BABAM1: variants seen among roughly 807,000 people sequenced by gnomAD.
BABAM1 encodes the protein BRISC and BRCA1 A complex member 1, also known as BRISC and BRCA1-A complex member 1.
In BABAM1, 14 loss-of-function variants were observed where a neutral mutation model predicts 34.4. The ratio of observed to expected loss-of-function variants is 0.41; its 90% confidence interval spans 0.27 to 0.64. The LOEUF (loss-of-function observed/expected upper bound fraction) is 0.64, where lower values mean the gene tolerates loss of function less well. Ranked by LOEUF, BABAM1 falls within the 30% of genes least tolerant of loss-of-function variation. BABAM1 has a pLI of 0.34. For synonymous variants in BABAM1, 169 were observed against 165.8 expected, an observed-to-expected ratio of 1.02 and a Z score of -0.15; for missense variants, 393 against 434.0, an observed-to-expected ratio of 0.91 and a Z score of 0.84.
chr19:17,278,791 G>A lies in BABAM1; in HGVS notation c.787-54G>A. The A allele has an allele frequency of 6.5e-6, 10 of 1,530,060 alleles. No individual in the cohort carries two copies. The South Asian group carries it at 9.5e-5, about 14-fold the overall frequency. 94.8% of individuals were successfully genotyped at this position (1,530,060 alleles called of 1,614,324 possible). A position where few individuals can be genotyped will look rare whatever the true frequency, so the allele number is the denominator to read the frequency against. ...AGCCCTCCAGGGATATGAAGGGCCTGTTGGGGTAACCTCTGCCTGAACAGC... is the reference window on the plus strand; with the variant it reads ...AGCCCTCCAGGGATATGAAGGGCCTATTGGGGTAACCTCTGCCTGAACAGC... On this transcript the variant is annotated intron_variant, in intron 8 of 8. Transcript: ENST00000598188.
intron 5 of BABAM1, 109 bp downstream of exon 5, chr19:17,274,294 C>G: frequency 7.2e-7 from 1 of 1,382,154 alleles, no homozygotes; most frequent in Non-Finnish European, 1.0e-6. Context: ...GTTCAGATCT[C>G]AGATCTGCCA....
chr19:17,272,905 C>G (rs1395795720), intron 3 of BABAM1, among the ~76,000 whole-genome samples: 2 of 152,094 alleles, frequency 1.3e-5, no homozygotes, highest in Non-Finnish European at 2.9e-5. Context: ...GTAATCCCAG[C>G]TACTCGGGAG....
chr19:17,273,102 G>A (rs1280699996), intron 3 of BABAM1, among the ~76,000 whole-genome samples: 1 of 152,236 alleles, frequency 6.6e-6, no homozygotes, highest in Non-Finnish European at 1.5e-5. Context: ...TCCATTCATA[G>A]CAATGAGTTG....
chr19:17,268,882 C>T lies in BABAM1; in HGVS notation c.76C>T (p.Arg26Cys), dbSNP rs2073802959. The T allele has an allele frequency of 8.8e-6, 14 of 1,596,288 alleles. No individual in the cohort carries two copies. The highest frequency in any genetic ancestry group is 1.7e-4 in the Middle Eastern group (1 of 5,736). The stretch of plus-strand genomic sequence containing the variant: ...GGAGCACTCGGCAGAGCCTCGGCCC[C>T]GCACTCGCTCCAATCCTGAAGGGGC... ...EEEHSAEPRPRTRSNPEGAED... is the reference protein window; with the variant it reads ...EEEHSAEPRPCTRSNPEGAED... The change falls in exon 2 of 9, where the codon CGC becomes TGC. Residue 26 changes from arginine (R) to cysteine (C), a missense_variant. Transcript: ENST00000598188.
chr19:17,278,555 C>T (rs1433104854), intron 8 of BABAM1, among the ~76,000 whole-genome samples: 1 of 151,514 alleles, frequency 6.6e-6, no homozygotes, highest in African/African-American at 2.4e-5. Flanking sequence ...GTGATCTGCC[C>T]GCCTCAGCCT....
At chr19:17,278,148 T>C (rs1375035244) in intron 8 of BABAM1, among the ~76,000 whole-genome samples, 1 of 151,796 alleles carries the variant, frequency 6.6e-6, no homozygotes, top group Non-Finnish European at 1.5e-5. Flanking sequence ...CACTCCAGCC[T>C]GGGAACAACA....
chr19:17,274,219 G>A, intron 5 of BABAM1, 34 bp downstream of exon 5: 4 of 1,604,268 alleles, frequency 2.5e-6, no homozygotes, highest in East Asian at 2.2e-5. Flanking sequence ...CCCATGAAGG[G>A]GGCTGTCTCC....
chr19:17,272,664 C>T (rs1300014452), intron 3 of BABAM1, among the ~76,000 whole-genome samples: 2 of 151,764 alleles, frequency 1.3e-5, no homozygotes, highest in Non-Finnish European at 2.9e-5. Flanking sequence ...CCTCGGCCTC[C>T]CAAAGTGCTG....
At chr19:17,268,288 G>T (rs1277478023) in intron 1 of BABAM1, among the ~76,000 whole-genome samples, 2 of 151,944 alleles carry the variant, frequency 1.3e-5, no homozygotes, top group Non-Finnish European at 2.9e-5. Flanking sequence ...AGGGGGGACT[G>T]TTATCTTATG....
chr19:17,272,657 C>T lies in BABAM1; in HGVS notation c.344+1002C>T, dbSNP rs376748318. On this transcript the variant is annotated intron_variant, in intron 3 of 8. Coordinates refer to ENST00000598188, the MANE Select transcript of BABAM1 (RefSeq NM_014173.4). ...TCCTGACCTCATGATCCGCCTGCCT[C>T]GGCCTCCCAAAGTGCTGGGATTACA... 2.6e-3 allele frequency among the ~76,000 whole-genome samples: 393 copies of T among 151,214 alleles called. 2 individuals are homozygous for T. The highest frequency in any genetic ancestry group is 8.9e-3 in the African/African-American group (366 of 41,318).
intron 2 of BABAM1, 46 bp from the exon 3 acceptor site, chr19:17,271,551 A>G (rs764618627): frequency 2.5e-6 from 4 of 1,602,026 alleles, no homozygotes; most frequent in South Asian, 1.1e-5. Context: ...TGTGGGGGCC[A>G]ACGTTAAGGT....
chr19:17,274,462 C>T (rs990743404), intron 5 of BABAM1: 13 of 422,232 alleles, frequency 3.1e-5, no homozygotes, highest in Middle Eastern at 6.9e-4. Flanking sequence ...CAGCGACTTG[C>T]GAGGCTGAGG....
rs187928820 is a variant in BABAM1 at position 17,275,300 on chromosome 19, T to A, written c.545-501T>A. ...CTGTGGATCTTATTTATTATTATATTTTTTTTTGAGATGGAGTCTCGCTCT... is the reference window on the plus strand; with the variant it reads ...CTGTGGATCTTATTTATTATTATATATTTTTTTGAGATGGAGTCTCGCTCT... On this transcript the variant is annotated intron_variant, in intron 5 of 8. Coordinates refer to ENST00000598188, the MANE Select transcript of BABAM1 (RefSeq NM_014173.4). 7.6e-4 allele frequency among the ~76,000 whole-genome samples: 116 copies of A among 151,640 alleles called. 1 individual carries two copies. The highest frequency in any genetic ancestry group is 1.8e-3 in the African/African-American group (76 of 41,436).
chr19:17,276,385 C>T, intron 6 of BABAM1, 110 bp from the exon 7 acceptor site: 1 of 1,506,824 alleles, frequency 6.6e-7, no homozygotes, highest in South Asian at 1.2e-5. Context: ...ACTTGGGAGA[C>T]ATCAGTGGGG....
rs2073840437 is a variant in BABAM1, at chr19:17,271,499, T to A, written c.286-98T>A. ...GGCTGAGGATTAGAGGTCACCATAC[T>A]GCCTTTTCAGACAAGGCAGCTTGAA... On this transcript the variant is annotated intron_variant, in intron 2 of 8. Transcript: ENST00000598188. 5 of 1,366,396 alleles carry A rather than the reference T, an allele frequency of 3.7e-6. No individual in the cohort carries two copies. The African/African-American group carries it at 7.2e-5, about 20-fold the overall frequency. 84.6% of individuals were successfully genotyped at this position (1,366,396 alleles called of 1,614,324 possible). A position where few individuals can be genotyped will look rare whatever the true frequency, so the allele number is the denominator to read the frequency against.
chr19:17,273,726 C>G (rs995617130), intron 3 of BABAM1, among the ~76,000 whole-genome samples, 178 bp from the exon 4 acceptor site: 1 of 151,798 alleles, frequency 6.6e-6, no homozygotes, highest in Non-Finnish European at 1.5e-5. Flanking sequence ...CCACGCCTGG[C>G]TAATTTTTTT....
intron 2 of BABAM1, among the ~76,000 whole-genome samples, chr19:17,270,043 G>A (rs2073821008): frequency 6.6e-6 from 1 of 151,578 alleles, no homozygotes; most frequent in African/African-American, 2.4e-5. Flanking sequence ...CCATTCTCCT[G>A]CTTCAGCCTC....
At chr19:17,269,142 C>T (rs1021323661) in intron 2 of BABAM1, 51 bp downstream of exon 2, 1 of 1,499,510 alleles carries the variant, frequency 6.7e-7, no homozygotes, top group African/African-American at 1.4e-5. Context: ...AACCTAGCAT[C>T]TTGTCTTTTG....
rs2073945178 is a variant in BABAM1 at position 17,279,040 on chromosome 19, A to G, written c.982A>G (p.Thr328Ala). The change falls in exon 9 of 9, where the codon ACT becomes GCT. Residue 328 changes from threonine (T) to alanine (A), a missense_variant. Thr to Ala is a moderately conservative substitution (Grantham distance 58). Transcript: ENST00000598188. Reference sequence around the variant, plus strand: ...GGATGAAGCCATTGAGGTTGAGGCCACTGTCTGAACCATCCCTGTACATCT... The same window carrying G: ...GGATGAAGCCATTGAGGTTGAGGCCGCTGTCTGAACCATCCCTGTACATCT... ...EEDEAIEVEA[T>A]V The G allele has an allele frequency of 6.2e-7, 1 of 1,610,624 alleles. No homozygotes were observed. The highest frequency in any genetic ancestry group is 1.1e-5 in the South Asian group (1 of 90,414).
Sources: gnomAD v4.1 joint callset for allele counts (sites outside exome capture counted in the v4.1 genomes callset) on GRCh38, gnomAD v4.1.1 for gene constraint, MANE v1.5 for transcripts, NCBI Gene and HGNC (gene_info 2026-07-23, HGNC 2026-07-21) for gene names.